PRKAR2B: variants seen among roughly 807,000 people sequenced by gnomAD.
PRKAR2B encodes the protein cAMP-dependent protein kinase type II-beta regulatory subunit.
A neutral mutation model predicts 49.9 loss-of-function variants in PRKAR2B; 14 were observed. That is an observed-to-expected ratio of 0.28 (90% CI 0.19 to 0.44). PRKAR2B has a LOEUF of 0.44. Among genes scored for constraint, PRKAR2B ranks in the 20% least tolerant of loss-of-function variants. PRKAR2B has a pLI of 1.00. For missense variants in PRKAR2B, 393 were observed against 537.9 expected (o/e 0.73, Z 2.67); for synonymous variants, 196 against 197.7 (o/e 0.99, Z 0.07).
At chr7:107,116,969 A>ATG (rs1010321664) in intron 2 of PRKAR2B, among the ~76,000 whole-genome samples, 2 of 148,016 alleles carry the variant, frequency 1.4e-5, no homozygotes, top group African/African-American at 5.1e-5. Flanking sequence ...ATATATATAT[A>ATG]TGTGTATATA....
At chr7:107,062,681 T>A (rs1044172437) in intron 1 of PRKAR2B, among the ~76,000 whole-genome samples, 1 of 152,242 alleles carries the variant, frequency 6.6e-6, no homozygotes, top group Non-Finnish European at 1.5e-5. Context: ...GTACATTTTA[T>A]TGTATGTCAA....
At chr7:107,117,493 C>T (rs943847496) in intron 2 of PRKAR2B, among the ~76,000 whole-genome samples, 2 of 152,126 alleles carry the variant, frequency 1.3e-5, no homozygotes. Flanking sequence ...CCTTTTATTC[C>T]TTCAGCATAT....
chr7:107,045,296 C>T (rs942084744), intron 1 of PRKAR2B, 82 bp downstream of exon 1: 3 of 1,225,910 alleles, frequency 2.4e-6, no homozygotes, highest in African/African-American at 3.2e-5. Context: ...CGGATCTTGC[C>T]GCTTTGCGCA....
Position 107,070,271 on chromosome 7 carries a change from TTTC to T in PRKAR2B, c.308-7_308-5del. 1 of 1,604,924 alleles carries T rather than the reference TTTC, an allele frequency of 6.2e-7. No homozygotes were observed. Among genetic ancestry groups the T allele is most frequent in the Non-Finnish European group, 8.5e-7 (1 of 1,173,826 alleles). Reference sequence around the variant, plus strand: ...TTAATCTAATCATATTATTCTGCTTTTTCTTTTAGCTCCAGTAATAAACCGATT... The same window carrying T: ...TTAATCTAATCATATTATTCTGCTTTTTTTAGCTCCAGTAATAAACCGATT... On this transcript the variant is annotated splice_region_variant and splice_polypyrimidine_tract_variant and intron_variant, in intron 1 of 10. Transcript: ENST00000265717.
chr7:107,127,401 C>T (rs1286525375), intron 3 of PRKAR2B, among the ~76,000 whole-genome samples: 1 of 152,238 alleles, frequency 6.6e-6, no homozygotes, highest in Non-Finnish European at 1.5e-5. Flanking sequence ...AAAGAGTGGA[C>T]CTTTTGGTCC....
chr7:107,117,074 C>T (rs1795289349), intron 2 of PRKAR2B, among the ~76,000 whole-genome samples: 1 of 148,636 alleles, frequency 6.7e-6, no homozygotes. Flanking sequence ...CCCTAAATGC[C>T]CCCAATGAGA....
intron 2 of PRKAR2B, among the ~76,000 whole-genome samples, chr7:107,090,946 A>G (rs1794722607): frequency 6.6e-6 from 1 of 152,244 alleles, no homozygotes; most frequent in Non-Finnish European, 1.5e-5. Context: ...AAAAGAAATA[A>G]TACTTTACAT....
chr7:107,098,078 TCTC>T, intron 2 of PRKAR2B, among the ~76,000 whole-genome samples: 1 of 152,340 alleles, frequency 6.6e-6, no homozygotes, highest in Non-Finnish European at 1.5e-5. Context: ...TTAGGGAAGT[TCTC>T]CTGGATAATA....
chr7:107,109,869 G>A (rs1465934218), intron 2 of PRKAR2B, among the ~76,000 whole-genome samples: 7 of 152,098 alleles, frequency 4.6e-5, no homozygotes, highest in African/African-American at 1.7e-4. Context: ...CTGAATAGAA[G>A]CCTCAACCAG....
intron 2 of PRKAR2B, among the ~76,000 whole-genome samples, chr7:107,091,120 G>A (rs1794726000): frequency 6.6e-6 from 1 of 152,132 alleles, no homozygotes; most frequent in Non-Finnish European, 1.5e-5. Context: ...GATCAGATTG[G>A]ATGTTATTTC....
intron 2 of PRKAR2B, among the ~76,000 whole-genome samples, chr7:107,104,025 CT>C (rs3831562): frequency 2.3e-4 from 34 of 150,280 alleles, no homozygotes; most frequent in Middle Eastern, 3.4e-3. Flanking sequence ...ATGTTTTTTT[CT>C]TTTTTTTTTC....
Position 107,156,992 on chromosome 7 carries a change from G to A in PRKAR2B, c.927G>A (p.Ser309=), listed in dbSNP as rs765243134. The change falls in exon 9 of 11, where the codon TCG becomes TCA. Residue 309 remains serine, a synonymous_variant. Transcript: ENST00000265717. ...GTTATTGATTCCAATAGGGAGATTC[G>A]GCTGATTCTTTTTTCATTGTAGAAT... is the stretch of plus-strand genomic sequence containing the variant. The part of the protein sequence containing the change: ...DGEQIIAQGD[S]ADSFFIVESG... 9.3e-6 allele frequency: 15 copies of A among 1,609,910 alleles called. No homozygotes were observed. The highest frequency in any genetic ancestry group is 2.7e-5 in the African/African-American group (2 of 74,872).
At chr7:107,123,237 T>C (rs576960022) in intron 3 of PRKAR2B, among the ~76,000 whole-genome samples, 1 of 152,348 alleles carries the variant, frequency 6.6e-6, no homozygotes, top group East Asian at 1.9e-4. Context: ...AAAAACAATA[T>C]GCAGTATCTC....
At chr7:107,129,011 T>TA (rs1387643999) in intron 4 of PRKAR2B, 1 of 152,132 alleles carries the variant, frequency 6.6e-6, no homozygotes, top group Non-Finnish European at 1.5e-5. Flanking sequence ...AATGTGAAAA[T>TA]AGAGTCAACT....
intron 2 of PRKAR2B, among the ~76,000 whole-genome samples, chr7:107,105,191 G>A (rs1244134894): frequency 5.3e-5 from 8 of 152,154 alleles, no homozygotes; most frequent in Non-Finnish European, 1.2e-4. Context: ...GAACTTCCAT[G>A]TCTGAAACAG....
chr7:107,052,012 C>T lies in PRKAR2B; in HGVS notation c.307+6798C>T, dbSNP rs1793815367. ...AAAAAAGCCGTTTGTTCCATTTGTT[C>T]TAATATATTTCAGTTACACCCAAAG... On this transcript the variant is annotated intron_variant, in intron 1 of 10. Coordinates refer to ENST00000265717, the MANE Select transcript of PRKAR2B (RefSeq NM_002736.3). Among the ~76,000 whole-genome samples the T allele has an allele frequency of 1.3e-5, 2 of 152,138 alleles. 1 individual carries two copies. The highest frequency in any genetic ancestry group is 4.1e-4 in the South Asian group (2 of 4,824).
At chr7:107,132,112 C>T (rs2115614642) in intron 4 of PRKAR2B, among the ~76,000 whole-genome samples, 1 of 152,326 alleles carries the variant, frequency 6.6e-6, no homozygotes, top group East Asian at 1.9e-4. Context: ...TTAGCTTACC[C>T]TAACAGTTCA....
intron 1 of PRKAR2B, among the ~76,000 whole-genome samples, chr7:107,047,278 T>C (rs1793716300): frequency 6.6e-6 from 1 of 152,226 alleles, no homozygotes; most frequent in African/African-American, 2.4e-5. Context: ...ATATTTCCTA[T>C]TTGAATCAGT....
chr7:107,145,336 G>A (rs1795870625), intron 5 of PRKAR2B, among the ~76,000 whole-genome samples: 2 of 152,200 alleles, frequency 1.3e-5, no homozygotes, highest in African/African-American at 4.8e-5. Context: ...GTTTGCCAAC[G>A]TCTGCTATAG....
Sources: gnomAD v4.1 joint callset for allele counts (sites outside exome capture counted in the v4.1 genomes callset) on GRCh38, gnomAD v4.1.1 for gene constraint, MANE v1.5 for transcripts, NCBI Gene and HGNC (gene_info 2026-07-23, HGNC 2026-07-21) for gene names.